The following DACT2 variants were observed in gnomAD, a reference collection of about 807,000 sequenced individuals.
DACT2 encodes the protein dapper homolog 2.
A neutral mutation model predicts 22.2 loss-of-function variants in DACT2; 20 were observed. That is an observed-to-expected ratio of 0.90 (90% confidence interval 0.63 to 1.31). The LOEUF is 1.31. DACT2 is among the 50% of genes most tolerant of loss of function. DACT2 has a pLI of 0.00. For missense variants in DACT2, 1,048 were observed against 1,061.4 expected (o/e 0.99, Z 0.18); for synonymous variants, 463 against 479.8 (o/e 0.96, Z 0.46).
At position 168,319,479 on chromosome 6, in the gene DACT2, G is replaced by T; in HGVS notation, c.155C>A (p.Pro52Gln). Residue 52 changes from proline to glutamine, a missense_variant, in exon 1 of 4, where the codon CCG becomes CAG. Pro to Gln is a moderately conservative substitution (Grantham distance 76). Coordinates refer to ENST00000366795, the MANE Select transcript of DACT2 (RefSeq NM_214462.5). ...GCCGCAGGGCGCGGCGGGCGCGGGCGGGGGCTGCAGGGCCAGGGCGCCCCG... is the reference window on the plus strand; with the variant it reads ...GCCGCAGGGCGCGGCGGGCGCGGGCTGGGGCTGCAGGGCCAGGGCGCCCCG... ...RVRGALALQPPPAPAAPCGPH... is the reference protein window; with the variant it reads ...RVRGALALQPQPAPAAPCGPH... 2 of 1,203,780 alleles carry T rather than the reference G, an allele frequency of 1.7e-6. No homozygotes were observed. Among genetic ancestry groups the T allele is most frequent in the East Asian group, 3.5e-5 (1 of 28,694 alleles). The allele number at this position is 1,203,780 out of a possible 1,614,324, so 74.6% of individuals were successfully genotyped here.
downstream of DACT2, among the ~76,000 whole-genome samples, chr6:168,306,397 CAA>C (rs10689901): frequency 1.3e-5 from 2 of 149,798 alleles, no homozygotes; most frequent in Non-Finnish European, 3.0e-5. Flanking sequence ...AAGTAAACAC[CAA>C]AAAAAAAGTT....
intron 1 of DACT2, among the ~76,000 whole-genome samples, chr6:168,314,819 C>T (rs1293294976): frequency 6.6e-6 from 1 of 152,188 alleles, no homozygotes; most frequent in Non-Finnish European, 1.5e-5. Context: ...CCCCTCCATT[C>T]AGGAGAGAGG....
Position 168,307,463 on chromosome 6 carries a change from G to A in DACT2, c.2294C>T (p.Pro765Leu), listed in dbSNP as rs1012661748. The stretch of plus-strand genomic sequence containing the variant: ...CATGGTCATGACCTTCAGGGCCGTC[G>A]GCTGGAACCTGCGGATCTTCTTCTT... ...ALKKKIRRFQPTALKVMTMV is the reference protein window; with the variant it reads ...ALKKKIRRFQLTALKVMTMV Residue 765 changes from proline to leucine, a missense_variant, in exon 4 of 4, where the codon CCG becomes CTG. By Grantham distance (98) the Pro-to-Leu change is moderately conservative. Coordinates refer to ENST00000366795, the MANE Select transcript of DACT2 (RefSeq NM_214462.5). The surrounding 1 kb of genome is among the most constrained non-coding windows in gnomAD (Gnocchi z 5.3). The A allele has an allele frequency of 1.2e-5, 19 of 1,551,658 alleles. No homozygotes were observed. The highest frequency in any genetic ancestry group is 2.0e-5 in the Admixed American group (1 of 51,006).
chr6:168,297,788 A>G (rs775712247), intron 3 of DACT2, among the ~76,000 whole-genome samples: 1 of 152,268 alleles, frequency 6.6e-6, no homozygotes, highest in Non-Finnish European at 1.5e-5. Context: ...ACGGCAACGT[A>G]AGAGTCCATC....
Position 168,301,876 on chromosome 6 carries a change from A to G in DACT2, c.659-7172T>C, listed in dbSNP as rs139880790. Among the ~76,000 whole-genome samples the G allele has an allele frequency of 8.3e-3, 1,258 of 152,332 alleles. 25 individuals are homozygous for G. The highest frequency in any genetic ancestry group is 0.029 in the African/African-American group (1,217 of 41,572). ...CTTGTCCCAGGTGGAACTGGGAGCT[A>G]TGGGATGACCCACAAGTCCACACCT... is the stretch of plus-strand genomic sequence containing the variant. On this transcript the variant is annotated intron_variant, in intron 3 of 5. Transcript: ENST00000366796.
chr6:168,293,673 C>T, exon 6 of DACT2: 1 of 569,608 alleles, frequency 1.8e-6, no homozygotes, highest in Non-Finnish European at 3.1e-6. Context: ...CCATTACTCC[C>T]TCACTTCAAC....
chr6:168,294,004 C>T (rs565517689), intron 5 of DACT2: 5 of 703,190 alleles, frequency 7.1e-6, no homozygotes, highest in South Asian at 1.5e-5. Context: ...CCATCCAACA[C>T]GCACGTCTGC....
rs1000054867 is a variant in DACT2, at chr6:168,308,852, G to A, written c.905C>T (p.Ser302Leu). ...TKETPQRGGP[S>L]FPRESPRGPA... is the part of the protein sequence containing the mutation. The stretch of plus-strand genomic sequence containing the variant: ...GCCCCTGGGGCTCTCCCTAGGGAAC[G>A]AGGGGCCACCTCTCTGTGGGGTTTC... Residue 302 changes from serine (S) to leucine (L), a missense_variant, in exon 4 of 4, where the codon TCG becomes TTG. Ser to Leu is a moderately radical substitution (Grantham distance 145). Coordinates refer to ENST00000366795, the MANE Select transcript of DACT2 (RefSeq NM_214462.5). 2.4e-5 allele frequency: 37 copies of A among 1,551,020 alleles called. No individual in the cohort carries two copies. Among genetic ancestry groups the A allele is most frequent in the Admixed American group, 7.8e-5 (4 of 50,964 alleles).
chr6:168,294,756 G>T (rs1430797928), intron 3 of DACT2: 3 of 909,212 alleles, frequency 3.3e-6, no homozygotes, highest in Non-Finnish European at 4.5e-6. Flanking sequence ...CACACCTGCA[G>T]CTTCAACGAT....
intron 3 of DACT2, chr6:168,300,372 G>C (rs556554535): frequency 6.6e-6 from 1 of 152,316 alleles, no homozygotes; most frequent in Non-Finnish European, 1.5e-5. Flanking sequence ...GAGGCCTTGT[G>C]GCTGCTTCAT....
At position 168,315,849 on chromosome 6, in the gene DACT2, G is replaced by C. The variant is rs560859924; in HGVS notation, c.246+3539C>G. 3.9e-5 allele frequency among the ~76,000 whole-genome samples: 6 copies of C among 152,328 alleles called. No homozygotes were observed. In the South Asian group the frequency reaches 1.2e-3, roughly 32 times the overall value. On this transcript the variant is annotated intron_variant, in intron 1 of 3. Transcript: ENST00000366795. Reference sequence around the variant, plus strand: ...GGTGGGCGGAGGGAACCCTGAGTTAGCCGGGAGCTGCTGGAGTGTGTAACT... The same window carrying C: ...GGTGGGCGGAGGGAACCCTGAGTTACCCGGGAGCTGCTGGAGTGTGTAACT...
rs1372433236 is a variant in DACT2, at chr6:168,308,510, T to A, written c.1247A>T (p.Gln416Leu). 3.9e-6 allele frequency: 6 copies of A among 1,551,294 alleles called. No homozygotes were observed. The highest frequency in any genetic ancestry group is 5.2e-6 in the Non-Finnish European group (6 of 1,146,908). ...GCCCTCCTCTGGAAGGCTGCCAGAC[T>A]GCTGGGGACCCTCAAGGGGCATGTA... ...QGYMPLEGPQ[Q>L]SGSLPEEGSK... The change falls in exon 4 of 4, where the codon CAG becomes CTG. Residue 416 changes from glutamine (Q) to leucine (L), a missense_variant. Gln to Leu is a moderately radical substitution (Grantham distance 113). Transcript: ENST00000366795.
Position 168,314,129 on chromosome 6 carries a change from G to A in DACT2, c.247-2845C>T, listed in dbSNP as rs191585521. On this transcript the variant is annotated intron_variant, in intron 1 of 3. Coordinates refer to ENST00000366795, the MANE Select transcript of DACT2 (RefSeq NM_214462.5). ...GTCACAAAATATATGTGGCCAGGAA[G>A]GAGGACAGTCCACTGCAAGGCCAGC... Among the ~76,000 whole-genome samples the A allele has an allele frequency of 5.2e-3, 787 of 152,344 alleles. 9 individuals are homozygous for A. The highest frequency in any genetic ancestry group is 0.024 in the Middle Eastern group (7 of 294).
downstream of DACT2, among the ~76,000 whole-genome samples, chr6:168,305,281 T>C (rs1352912799): frequency 6.6e-6 from 1 of 152,102 alleles, no homozygotes; most frequent in Non-Finnish European, 1.5e-5. Context: ...AGGAATTCGC[T>C]TGGCTGGAAT....
At position 168,308,512 on chromosome 6, in the gene DACT2, C is replaced by T; in HGVS notation, c.1245G>A (p.Gln415=). Residue 415 remains glutamine, a synonymous_variant, in exon 4 of 4, where the codon CAG becomes CAA. Coordinates refer to ENST00000366795, the MANE Select transcript of DACT2 (RefSeq NM_214462.5). ...CCTCCTCTGGAAGGCTGCCAGACTGCTGGGGACCCTCAAGGGGCATGTATC... is the reference window on the plus strand; with the variant it reads ...CCTCCTCTGGAAGGCTGCCAGACTGTTGGGGACCCTCAAGGGGCATGTATC... ...QQGYMPLEGP[Q]QSGSLPEEGS... 1 of 1,551,458 alleles carries T rather than the reference C, an allele frequency of 6.4e-7. No individual in the cohort carries two copies. The highest frequency in any genetic ancestry group is 8.7e-7 in the Non-Finnish European group (1 of 1,146,950).
At chr6:168,297,527 C>A (rs528002538) in intron 3 of DACT2, among the ~76,000 whole-genome samples, 9 of 152,190 alleles carry the variant, frequency 5.9e-5, no homozygotes, top group Non-Finnish European at 1.2e-4. Flanking sequence ...CAGCTTCTTC[C>A]CTAGAACCTC....
intron 1 of DACT2, among the ~76,000 whole-genome samples, chr6:168,315,913 T>C (rs1005056180): frequency 6.6e-6 from 1 of 152,200 alleles, no homozygotes; most frequent in Admixed American, 6.5e-5. Flanking sequence ...TTCAACACTA[T>C]AGAACTGCTA....
chr6:168,310,317 C>T lies in DACT2; in HGVS notation c.509G>A (p.Ser170Asn). Residue 170 changes from serine to asparagine, a missense_variant, in exon 3 of 4, where the codon AGC becomes AAC. Physicochemically the swap from Ser to Asn is conservative, Grantham distance 46. Coordinates refer to ENST00000366795, the MANE Select transcript of DACT2 (RefSeq NM_214462.5). ...PVAQAHKARP[S>N]MGDWRPRSVD... ...CGACCGGGGCCTCCAGTCCCCCATG[C>T]TGGGCCTGGCCTTGTGGGCCTGGGC... The T allele has an allele frequency of 6.4e-7, 1 of 1,551,638 alleles. No individual in the cohort carries two copies. Among genetic ancestry groups the T allele is most frequent in the Non-Finnish European group, 8.7e-7 (1 of 1,146,976 alleles).
At position 168,307,838 on chromosome 6, in the gene DACT2, C is replaced by G. The variant is rs1779257551; in HGVS notation, c.1919G>C (p.Gly640Ala). The G allele has an allele frequency of 3.9e-6, 6 of 1,538,066 alleles. No individual in the cohort carries two copies. Among genetic ancestry groups the G allele is most frequent in the Non-Finnish European group, 5.2e-6 (6 of 1,145,016 alleles). The change falls in exon 4 of 4, where the codon GGT becomes GCT. Residue 640 changes from glycine to alanine, a missense_variant. Physicochemically the swap from Gly to Ala is moderately conservative, Grantham distance 60 (BLOSUM62 0). Coordinates refer to ENST00000366795, the MANE Select transcript of DACT2 (RefSeq NM_214462.5). The surrounding 1 kb of genome is among the most constrained non-coding windows in gnomAD (Gnocchi z 5.3). The stretch of plus-strand genomic sequence containing the variant: ...GGGACGGCCCCGGGCCAGTGGGCCA[C>G]CTGCTCTCCTGGCCACGGGCCTGGG... ...GPPRPVARRAGGPLARGRPSL... is the reference protein window; with the variant it reads ...GPPRPVARRAAGPLARGRPSL...
Sources: allele counts gnomAD v4.1 joint callset (sites outside exome capture counted in the v4.1 genomes callset), GRCh38; gene constraint gnomAD v4.1.1; non-coding constraint Gnocchi (gnomAD v3.1); transcripts MANE v1.5; gene names NCBI Gene and HGNC (gene_info 2026-07-23, HGNC 2026-07-21).